RBM23: variants seen among roughly 807,000 people sequenced by gnomAD.
RBM23 encodes probable RNA-binding protein 23.
Under a neutral mutation model 56.2 loss-of-function variants are expected in RBM23, and 53 were observed. The ratio of observed to expected loss-of-function variants is 0.94; its 90% CI spans 0.76 to 1.19. The LOEUF (loss-of-function observed/expected upper bound fraction) is 1.19. Among genes scored for constraint, RBM23 ranks in the 50% most tolerant of loss-of-function variants. The pLI is 0.00. For synonymous variants in RBM23, 197 were observed against 198.5 expected, an observed-to-expected ratio of 0.99 and a Z score of 0.06; for missense variants, 642 against 590.3, an observed-to-expected ratio of 1.09 and a Z score of -0.91.
intron 1 of RBM23, among the ~76,000 whole-genome samples, chr14:22,918,588 A>C (rs1478494354): frequency 2.0e-5 from 3 of 152,162 alleles, no homozygotes; most frequent in African/African-American, 7.2e-5. Flanking sequence ...GAGATTGAGG[A>C]AGAAAGCTCA....
Position 22,901,645 on chromosome 14 carries a change from A to C in RBM23, c.*85T>G. 1.3e-6 allele frequency: 2 copies of C among 1,559,648 alleles called. No homozygotes were observed. The highest frequency in any genetic ancestry group is 1.8e-6 in the Non-Finnish European group (2 of 1,131,492). ...ATGCCCTCAGGATGGCTTGGTCCACAAAATGGAGAAATGGGGCCATGGAAG... is the reference window on the plus strand; with the variant it reads ...ATGCCCTCAGGATGGCTTGGTCCACCAAATGGAGAAATGGGGCCATGGAAG... On this transcript the variant is annotated 3_prime_UTR_variant, in exon 14 of 14. Transcript: ENST00000359890.
intron 1 of RBM23, among the ~76,000 whole-genome samples, chr14:22,915,102 T>C (rs910515290): frequency 6.6e-6 from 1 of 152,108 alleles, no homozygotes; most frequent in African/African-American, 2.4e-5. Flanking sequence ...ATTAAATAAG[T>C]GTAATAATTA....
At position 22,900,521 on chromosome 14, in the gene RBM23, AG is replaced by A. The variant is rs2040360662; in HGVS notation, c.*1208del. On this transcript the variant is annotated 3_prime_UTR_variant, in exon 14 of 14. Transcript: ENST00000359890. Reference sequence around the variant, plus strand: ...GTGGGTAGCTGGGATGGAGATAGTTAGGATGAAGATAGATGGAGAAGACAAC... The same window carrying A: ...GTGGGTAGCTGGGATGGAGATAGTTAGATGAAGATAGATGGAGAAGACAAC... 6.6e-6 allele frequency: 1 copy of A among 152,240 alleles called. No homozygotes were observed. Among genetic ancestry groups the A allele is most frequent in the South Asian group, 2.1e-4 (1 of 4,836 alleles). The allele number at this position is 152,240 out of a possible 1,614,324, so 9.4% of individuals were successfully genotyped here.
Position 22,901,899 on chromosome 14 carries a change from G to A in RBM23, c.1247-16C>T. 1 of 1,614,138 alleles carries A rather than the reference G, an allele frequency of 6.2e-7. No individual in the cohort carries two copies. Among genetic ancestry groups the A allele is most frequent in the Non-Finnish European group, 8.5e-7 (1 of 1,179,988 alleles). On this transcript the variant is annotated splice_polypyrimidine_tract_variant and intron_variant, in intron 12 of 13. Coordinates refer to ENST00000359890, the MANE Select transcript of RBM23 (RefSeq NM_001077351.2). ...GGACTCAGAGCTAGAACAAAGACAGGCAGAGTGAGTGAGCAAGCACCGCGC... is the reference window on the plus strand; with the variant it reads ...GGACTCAGAGCTAGAACAAAGACAGACAGAGTGAGTGAGCAAGCACCGCGC...
intron 13 of RBM23, 32 bp from the exon 14 acceptor site, chr14:22,901,765 A>G: frequency 1.2e-6 from 2 of 1,614,018 alleles, no homozygotes; most frequent in Non-Finnish European, 1.7e-6. Flanking sequence ...GGGAAGCCAA[A>G]GGAAAGAGAA....
At chr14:22,916,363 C>A (rs1341493659) in intron 1 of RBM23, among the ~76,000 whole-genome samples, 5 of 151,494 alleles carry the variant, frequency 3.3e-5, no homozygotes, top group African/African-American at 1.2e-4. Context: ...CTCAAGCAAT[C>A]CTCTAACCTC....
chr14:22,906,101 G>A, intron 5 of RBM23, 94 bp downstream of exon 5: 2 of 1,411,638 alleles, frequency 1.4e-6, no homozygotes, highest in East Asian at 2.3e-5. Context: ...ATCACAATGT[G>A]TTATAATAAG....
rs373712264 is a variant in RBM23, at chr14:22,905,139, A to G, written c.681T>C (p.Thr227=). The G allele has an allele frequency of 6.2e-6, 10 of 1,614,110 alleles. No individual in the cohort carries two copies. The African/African-American group carries it at 1.3e-4, about 22-fold the overall frequency. Residue 227 remains threonine (T), a synonymous_variant, in exon 8 of 14, where the codon ACT becomes ACC. Transcript: ENST00000359890. ...IQSVPLAIGL[T]GQRLLGVPII... ...TAGGCACTCCCAGCAACCGCTGCCC[A>G]GTCAGCCCAATGGCCAGTGGCACAG...
rs753478496 is a variant in RBM23, at chr14:22,904,121, A to C, written c.930+140T>G. The C allele has an allele frequency of 4.5e-6, 7 of 1,552,440 alleles. No homozygotes were observed. In the South Asian group the frequency reaches 4.7e-5, roughly 10 times the overall value. ...CAATGCACTCATCTCAAGGGGTAGA[A>C]GGCTAGTCCAAGCTTCAGGCACCAG... is the stretch of plus-strand genomic sequence containing the variant. On this transcript the variant is annotated intron_variant, in intron 10 of 13. Coordinates refer to ENST00000359890, the MANE Select transcript of RBM23 (RefSeq NM_001077351.2).
intron 1 of RBM23, among the ~76,000 whole-genome samples, chr14:22,915,292 C>G (rs184736965): frequency 6.6e-5 from 10 of 152,266 alleles, no homozygotes; most frequent in African/African-American, 2.4e-4. Flanking sequence ...CCTCTGCCTC[C>G]CAGGTTCAAG....
In RBM23 at chr14:22,919,024, C is replaced by T. The variant is rs930715210; in HGVS notation, c.-36G>A. 5 of 152,084 alleles carry T rather than the reference C, an allele frequency of 3.3e-5. No homozygotes were observed. Among genetic ancestry groups the T allele is most frequent in the Admixed American group, 6.6e-5 (1 of 15,254 alleles). The allele number at this position is 152,084 out of a possible 1,614,324, so 9.4% of individuals were successfully genotyped here. A position where few individuals can be genotyped will look rare whatever the true frequency, so the allele number is the denominator to read the frequency against. ...CAGTTCCGGGTCCCCGCAGGGGGGT[C>T]CCGGTTCTCTCCGTTCCTTTGAGTA... On this transcript the variant is annotated 5_prime_UTR_variant, in exon 1 of 14. Coordinates refer to ENST00000359890, the MANE Select transcript of RBM23 (RefSeq NM_001077351.2).
In RBM23 at chr14:22,904,271, C is replaced by T; in HGVS notation, c.920G>A (p.Gly307Asp). Reference sequence around the variant, plus strand: ...AGACTAGAGACTCACCGTGATGAAACCATAACCTTTAGAGCGGCCTGTATC... The same window carrying T: ...AGACTAGAGACTCACCGTGATGAAATCATAACCTTTAGAGCGGCCTGTATC... ...DSDTGRSKGY[G>D]FITFSDSECA... The change falls in exon 10 of 14, where the codon GGT becomes GAT. Residue 307 changes from glycine to aspartate, a missense_variant. By Grantham distance (94) the Gly-to-Asp change is moderately conservative. Coordinates refer to ENST00000359890, the MANE Select transcript of RBM23 (RefSeq NM_001077351.2). 2 of 1,613,842 alleles carry T rather than the reference C, an allele frequency of 1.2e-6. No individual in the cohort carries two copies. Among genetic ancestry groups the T allele is most frequent in the South Asian group, 1.1e-5 (1 of 91,060 alleles).
rs1176629475 is a variant in RBM23 at position 22,895,690 on chromosome 14, A to G, written c.*6040T>C. On this transcript the variant is annotated 3_prime_UTR_variant, in exon 14 of 14. Coordinates refer to ENST00000359890, the MANE Select transcript of RBM23 (RefSeq NM_001077351.2). Reference sequence around the variant, plus strand: ...GTAGTTCCAGCTAATCAAGAGGATCATTTGAGCTCAGGAGGTTGAGACTGC... The same window carrying G: ...GTAGTTCCAGCTAATCAAGAGGATCGTTTGAGCTCAGGAGGTTGAGACTGC... The G allele has an allele frequency of 6.6e-6, 1 of 152,276 alleles. No homozygotes were observed. The highest frequency in any genetic ancestry group is 1.5e-5 in the Non-Finnish European group (1 of 68,104). 9.4% of individuals were successfully genotyped at this position (152,276 alleles called of 1,614,324 possible).
intron 4 of RBM23, 69 bp downstream of exon 4, chr14:22,908,264 T>TC: frequency 6.6e-7 from 1 of 1,513,320 alleles, no homozygotes; most frequent in South Asian, 1.2e-5. Context: ...GAAGTGATCC[T>TC]CCCGCCTTGG....
chr14:22,905,084 G>A lies in RBM23; in HGVS notation c.726+10C>T, dbSNP rs2041295040. 2.5e-6 allele frequency: 4 copies of A among 1,613,990 alleles called. No individual in the cohort carries two copies. The highest frequency in any genetic ancestry group is 3.3e-5 in the Admixed American group (2 of 59,998). ...CTTAAAATCTTATGTCTGTTTCTCA[G>A]CCTGCTCACCTGTGAAGCCTGTACA... On this transcript the variant is annotated intron_variant, in intron 8 of 13. Coordinates refer to ENST00000359890, the MANE Select transcript of RBM23 (RefSeq NM_001077351.2).
intron 10 of RBM23, 118 bp from the exon 11 acceptor site, chr14:22,902,500 C>T (rs915329765): frequency 2.1e-6 from 3 of 1,431,760 alleles, no homozygotes; most frequent in Middle Eastern, 1.9e-4. Flanking sequence ...GAGGTACAAA[C>T]TTTTCTTTCC....
chr14:22,903,460 G>C (rs977459562), intron 10 of RBM23: 2 of 985,410 alleles, frequency 2.0e-6, no homozygotes, highest in Middle Eastern at 5.2e-4. Flanking sequence ...TGTTTAGCTA[G>C]CTAGCAGCAT....
intron 2 of RBM23, 108 bp downstream of exon 2, chr14:22,911,220 T>C: frequency 1.1e-6 from 1 of 888,508 alleles, no homozygotes; most frequent in Admixed American, 1.9e-5. Context: ...TTCTACATAA[T>C]AAATAAGCAG....
intron 4 of RBM23, among the ~76,000 whole-genome samples, chr14:22,906,760 T>C (rs368114293): frequency 6.6e-6 from 1 of 152,186 alleles, no homozygotes; most frequent in African/African-American, 2.4e-5. Context: ...GACCCAGGGC[T>C]GGGCGCGGTG....
Sources: gnomAD v4.1 joint callset for allele counts (sites outside exome capture counted in the v4.1 genomes callset) on GRCh38, gnomAD v4.1.1 for gene constraint, MANE v1.5 for transcripts, NCBI Gene and HGNC (gene_info 2026-07-23, HGNC 2026-07-21) for gene names.